The following STARD13 variants were observed in gnomAD, a reference collection of about 807,000 sequenced individuals.
STARD13 encodes stAR-related lipid transfer protein 13.
Under a neutral mutation model 106.4 loss-of-function variants are expected in STARD13, and 62 were observed. The observed-to-expected ratio is 0.58, with a 90% confidence interval of 0.48 to 0.72. The LOEUF is 0.72. Among genes scored for constraint, STARD13 ranks in the 30% least tolerant of loss-of-function variants. The probability of loss-of-function intolerance (pLI) is 0.00; values close to 1 mark genes in which losing one functional copy is unlikely to be tolerated. For synonymous variants in STARD13, 565 were observed against 553.0 expected (o/e 1.02, Z -0.31); for missense variants, 1,387 against 1,424.0 (o/e 0.97, Z 0.42).
intron 1 of STARD13, among the ~76,000 whole-genome samples, chr13:33,219,813 C>CAAAAAA (rs71196513): frequency 5.1e-5 from 6 of 116,702 alleles, no homozygotes; most frequent in Admixed American, 9.9e-5. Flanking sequence ...TAAAAACAAA[C>CAAAAAA]AAAAAAAAAA....
chr13:33,350,776 C>T, upstream of STARD13: 1 of 524,686 alleles, frequency 1.9e-6, no homozygotes, highest in Non-Finnish European at 2.5e-6. Flanking sequence ...GAGCGCGCTT[C>T]CCCTTCCCTC....
chr13:33,307,302 C>T (rs1892947597), intron 1 of STARD13, among the ~76,000 whole-genome samples: 1 of 152,180 alleles, frequency 6.6e-6, no homozygotes, highest in Admixed American at 6.6e-5. Flanking sequence ...AATCCCATTA[C>T]TAGGTTATAT....
At chr13:33,167,216 TGA>T (rs1220546196) in intron 2 of STARD13, among the ~76,000 whole-genome samples, 1 of 151,656 alleles carries the variant, frequency 6.6e-6, no homozygotes, top group Non-Finnish European at 1.5e-5. Context: ...TCAAGAAAAG[TGA>T]GAGTAGTAAA....
the STARD13 span, among the ~76,000 whole-genome samples, chr13:33,389,980 A>C: frequency 6.6e-6 from 1 of 152,150 alleles, no homozygotes; most frequent in African/African-American, 2.4e-5. Flanking sequence ...GAAGAAACAG[A>C]AATGAGAATG....
chr13:33,258,610 A>G (rs1890486439), intron 1 of STARD13, among the ~76,000 whole-genome samples: 1 of 152,234 alleles, frequency 6.6e-6, no homozygotes, highest in Non-Finnish European at 1.5e-5. Flanking sequence ...TCCGAGAACC[A>G]TTCTTGCAAT....
At chr13:33,242,202 G>A (rs1377946421) in intron 1 of STARD13, among the ~76,000 whole-genome samples, 1 of 152,112 alleles carries the variant, frequency 6.6e-6, no homozygotes, top group African/African-American at 2.4e-5. Flanking sequence ...CGCCCCATCC[G>A]GGAGGTGGGG....
rs1023105619 is a variant in STARD13, at chr13:33,112,940, A to G, written c.2282-9T>C. On this transcript the variant is annotated splice_polypyrimidine_tract_variant and intron_variant, in intron 8 of 13. Transcript: ENST00000336934. ...CTGCTCTTTGGAGACATCTGAGGAA[A>G]AGTGGATGCCAGGTCATTGGAGGAG... 6.3e-7 allele frequency: 1 copy of G among 1,595,430 alleles called. No individual in the cohort carries two copies. The highest frequency in any genetic ancestry group is 1.1e-5 in the South Asian group (1 of 87,346).
chr13:33,605,238 CAAAA>C, the STARD13 span, among the ~76,000 whole-genome samples: 4 of 84,770 alleles, frequency 4.7e-5, no homozygotes, highest in Admixed American at 1.3e-4. Context: ...GATCCTGTCT[CAAAA>C]AAAAAAAAAA....
chr13:33,347,459 C>T (rs2138615330), downstream of STARD13, among the ~76,000 whole-genome samples: 1 of 152,212 alleles, frequency 6.6e-6, no homozygotes, highest in South Asian at 2.1e-4. Context: ...GTTGGCCAGG[C>T]TGGTCTCAAA....
chr13:33,609,952 C>A, the STARD13 span, among the ~76,000 whole-genome samples: 1 of 152,070 alleles, frequency 6.6e-6, no homozygotes, highest in African/African-American at 2.4e-5. Context: ...TAATTGTATT[C>A]TTTGTAATTT....
At chr13:33,309,899 T>A (rs538567597) in intron 1 of STARD13, among the ~76,000 whole-genome samples, 1 of 152,216 alleles carries the variant, frequency 6.6e-6, no homozygotes, top group Non-Finnish European at 1.5e-5. Flanking sequence ...CCTGTTCCTG[T>A]GTGTTTTTCC....
chr13:33,673,867 T>C, the STARD13 span, among the ~76,000 whole-genome samples: 1 of 151,290 alleles, frequency 6.6e-6, no homozygotes, highest in African/African-American at 2.4e-5. Flanking sequence ...CTCTTTTTTT[T>C]TTTCTTTTTT....
At chr13:33,413,898 T>C in the STARD13 span, among the ~76,000 whole-genome samples, 1 of 151,474 alleles carries the variant, frequency 6.6e-6, no homozygotes, top group Admixed American at 6.6e-5. Flanking sequence ...CTGAACATAG[T>C]GACACACACC....
the STARD13 span, among the ~76,000 whole-genome samples, chr13:33,471,226 A>AT: frequency 5.9e-5 from 9 of 152,140 alleles, no homozygotes; most frequent in Admixed American, 5.9e-4. Context: ...AAACACTTTC[A>AT]TTTTTTCATA....
rs748012311 is a variant in STARD13 at position 33,129,272 on chromosome 13, C to A, written c.1405G>T (p.Ala469Ser). Residue 469 changes from alanine to serine, a missense_variant, in exon 5 of 14, where the codon GCC (alanine) becomes TCC (serine). Coordinates refer to ENST00000336934, the MANE Select transcript of STARD13 (RefSeq NM_178006.4). ...AAGTCCAAAAGATCTCCTGTGCTGG[C>A]ATACAGATGGGAGCCAGGGACATTG... Reference protein sequence around the residue: ...YDNVPGSHLYASTGDLLDLEK... With the variant: ...YDNVPGSHLYSSTGDLLDLEK... 6 of 1,614,180 alleles carry A rather than the reference C, an allele frequency of 3.7e-6. No homozygotes were observed. Among genetic ancestry groups the A allele is most frequent in the Middle Eastern group, 1.6e-4 (1 of 6,062 alleles).
chr13:33,399,831 A>G, the STARD13 span, among the ~76,000 whole-genome samples: 2 of 152,100 alleles, frequency 1.3e-5, no homozygotes, highest in Admixed American at 6.6e-5. Context: ...TTAGAGTGGA[A>G]GAAAACAGGT....
Position 33,129,889 on chromosome 13 carries a change from A to G in STARD13, c.788T>C (p.Met263Thr), listed in dbSNP as rs768768299. 3.7e-6 allele frequency: 6 copies of G among 1,612,756 alleles called. No homozygotes were observed. In the East Asian group the frequency reaches 8.9e-5, roughly 24 times the overall value. Reference sequence around the variant, plus strand: ...GGCTCCCTTCCCTCGGAGTGTTTCCATGCGTTTCAAAAATGATTTGGCCCT... The same window carrying G: ...GGCTCCCTTCCCTCGGAGTGTTTCCGTGCGTTTCAAAAATGATTTGGCCCT... ...RARAKSFLKRMETLRGKGAHG... is the reference protein window; with the variant it reads ...RARAKSFLKRTETLRGKGAHG... The change falls in exon 5 of 14, where the codon ATG becomes ACG. Residue 263 changes from methionine to threonine, a missense_variant. Met to Thr is a moderately conservative substitution (Grantham distance 81). Transcript: ENST00000336934.
At chr13:33,432,438 G>C in the STARD13 span, among the ~76,000 whole-genome samples, 1 of 152,050 alleles carries the variant, frequency 6.6e-6, no homozygotes, top group African/African-American at 2.4e-5. Flanking sequence ...ATTCTCAACA[G>C]GACAATTGCA....
At chr13:33,390,860 T>C in the STARD13 span, among the ~76,000 whole-genome samples, 2 of 152,168 alleles carry the variant, frequency 1.3e-5, no homozygotes, top group African/African-American at 4.8e-5. Context: ...AATCTCTGTG[T>C]CCCTTTTCTC....
Sources: gnomAD v4.1 joint callset for allele counts (sites outside exome capture counted in the v4.1 genomes callset) on GRCh38, gnomAD v4.1.1 for gene constraint, MANE v1.5 for transcripts, NCBI Gene and HGNC (gene_info 2026-07-23, HGNC 2026-07-21) for gene names.